Variants in GBF1 observed in about 807,000 individuals in gnomAD.
GBF1 encodes golgi brefeldin A resistant guanine nucleotide exchange factor 1.
Under a neutral mutation model 210.5 loss-of-function variants are expected in GBF1, and 114 were observed. The ratio of observed to expected loss-of-function variants is 0.54; its 90% CI spans 0.47 to 0.63. The LOEUF is 0.63. Ranked by LOEUF, GBF1 falls within the 30% of genes least tolerant of loss-of-function variation. The pLI is 0.00. For synonymous variants in GBF1, 850 were observed against 889.2 expected (o/e 0.96, Z 0.78); for missense variants, 1,851 against 2,357.7 (o/e 0.79, Z 4.45).
chr10:102,287,313 A>T (rs2076031477), intron 3 of GBF1, among the ~76,000 whole-genome samples: 1 of 151,432 alleles, frequency 6.6e-6, no homozygotes, highest in African/African-American at 2.4e-5. Context: ...AAAACAAAAA[A>T]AATTTCACAC....
At chr10:102,230,851 G>A in the GBF1 span, 4 of 1,595,554 alleles carry the variant, frequency 2.5e-6, no homozygotes, top group Non-Finnish European at 3.4e-6. Context: ...GATGGAGCTG[G>A]GTGGCGAGAA....
intron 3 of GBF1, among the ~76,000 whole-genome samples, chr10:102,260,473 C>CTTTTTTTTTTTTGTTT (rs879575033): frequency 1.3e-5 from 1 of 74,794 alleles, no homozygotes; most frequent in Non-Finnish European, 2.3e-5. Flanking sequence ...ATTTTCCTTT[C>CTTTTTTTTTTTTGTTT]TTCTTTTTTT....
intron 3 of GBF1, among the ~76,000 whole-genome samples, chr10:102,293,029 AGATT>A (rs901118896): frequency 6.6e-6 from 1 of 152,230 alleles, no homozygotes; most frequent in Non-Finnish European, 1.5e-5. Flanking sequence ...TCTTAAAAAT[AGATT>A]AATATTGCAT....
chr10:102,314,378 C>T (rs1445847840), intron 3 of GBF1, among the ~76,000 whole-genome samples: 1 of 152,026 alleles, frequency 6.6e-6, no homozygotes, highest in East Asian at 1.9e-4. Flanking sequence ...AACTCCTGGG[C>T]TCAAGCAGTC....
intron 3 of GBF1, among the ~76,000 whole-genome samples, chr10:102,295,864 T>C (rs899061179): frequency 6.6e-6 from 1 of 152,196 alleles, no homozygotes; most frequent in Non-Finnish European, 1.5e-5. Flanking sequence ...TACTAGTATA[T>C]TCCATTGAAT....
chr10:102,268,679 G>A (rs2074111832), intron 3 of GBF1, among the ~76,000 whole-genome samples: 1 of 152,116 alleles, frequency 6.6e-6, no homozygotes, highest in African/African-American at 2.4e-5. Flanking sequence ...TTCAGAAGAA[G>A]CCAAATGCTT....
At chr10:102,300,971 C>A (rs368146092) in intron 3 of GBF1, among the ~76,000 whole-genome samples, 2 of 65,168 alleles carry the variant, frequency 3.1e-5, no homozygotes, top group East Asian at 3.2e-4. Context: ...TCAGTATTTT[C>A]TTTTCTTTTT....
rs537568724 is a variant in GBF1 at position 102,360,706 on chromosome 10, A to G, written c.1392+311A>G. Among the ~76,000 whole-genome samples the G allele has an allele frequency of 7.9e-5, 12 of 152,244 alleles. No individual in the cohort carries two copies. In the East Asian group the frequency reaches 1.2e-3, roughly 15 times the overall value. On this transcript the variant is annotated intron_variant, in intron 12 of 39. Transcript: ENST00000369983. The stretch of plus-strand genomic sequence containing the variant: ...GAAACCTCACAGCCGGGCTGGGTGC[A>G]GTGGCTCACGCCTGTAATCCCAGCA...
rs779636849 is a variant in GBF1 at position 102,363,438 on chromosome 10, G to A, written c.2017+42G>A. 3.2e-6 allele frequency: 5 copies of A among 1,575,254 alleles called. No homozygotes were observed. The South Asian group carries it at 5.7e-5, about 18-fold the overall frequency. On this transcript the variant is annotated intron_variant, in intron 16 of 39. Transcript: ENST00000369983. The surrounding 1 kb of genome is among the most constrained non-coding windows in gnomAD (Gnocchi z 4.2). ...CATGACCCTAAGCTCCTCACCTGGA[G>A]GGCCTGGTGAAGAGCAGAGGGAGGG...
In GBF1 at chr10:102,382,079, C is replaced by T. The variant is rs765265269; in HGVS notation, c.5326C>T (p.Arg1776Ter). The T allele has an allele frequency of 2.6e-6, 4 of 1,559,046 alleles. No homozygotes were observed. The highest frequency in any genetic ancestry group is 1.2e-5 in the South Asian group (1 of 82,916). The change falls in exon 40 of 40, where the codon CGA (arginine) becomes TGA (stop). Residue 1776 changes from arginine (R) to a stop codon, truncating the protein, a stop_gained. Coordinates refer to ENST00000369983, the MANE Select transcript of GBF1 (RefSeq NM_001377137.1). LOFTEE classifies it high-confidence loss of function. ...ACDFEKPESP[R>*]AASSSSPGSP... The stretch of plus-strand genomic sequence containing the variant: ...AGACTTTGAGAAGCCCGAGAGCCCC[C>T]GAGCCGCCAGCAGCAGCTCCCCAGG...
At chr10:102,263,099 A>G (rs1455943297) in intron 3 of GBF1, among the ~76,000 whole-genome samples, 1 of 152,156 alleles carries the variant, frequency 6.6e-6, no homozygotes, top group East Asian at 1.9e-4. Flanking sequence ...TGGTCTTCAT[A>G]TTGCTTCTGA....
chr10:102,255,846 A>C (rs1235038699), intron 1 of GBF1, among the ~76,000 whole-genome samples: 1 of 152,258 alleles, frequency 6.6e-6, no homozygotes, highest in Non-Finnish European at 1.5e-5. Flanking sequence ...TTTGGAAAGC[A>C]GATAGTCTTC....
At chr10:102,314,259 T>G (rs1418246289) in intron 3 of GBF1, among the ~76,000 whole-genome samples, 2 of 150,948 alleles carry the variant, frequency 1.3e-5, no homozygotes, top group Non-Finnish European at 3.0e-5. Context: ...GATCCTCCTG[T>G]CTCAGCCTCC....
At chr10:102,231,195 G>A in the GBF1 span, 4 of 1,251,182 alleles carry the variant, frequency 3.2e-6, no homozygotes, top group Non-Finnish European at 4.3e-6. Flanking sequence ...CCGGGGCCCT[G>A]CGGTCAATAA....
chr10:102,297,495 G>A (rs1324320887), intron 3 of GBF1, among the ~76,000 whole-genome samples: 1 of 152,208 alleles, frequency 6.6e-6, no homozygotes, highest in African/African-American at 2.4e-5. Flanking sequence ...GATTCACATA[G>A]CAAACATCAG....
chr10:102,285,136 C>CACAGATTTT (rs895317143), intron 3 of GBF1, among the ~76,000 whole-genome samples: 1 of 152,184 alleles, frequency 6.6e-6, no homozygotes, highest in Non-Finnish European at 1.5e-5. Flanking sequence ...AAACAGCGAA[C>CACAGATTTT]ACAGATTTTA....
chr10:102,284,736 T>C (rs2075801047), intron 3 of GBF1, among the ~76,000 whole-genome samples: 1 of 152,190 alleles, frequency 6.6e-6, no homozygotes, highest in Non-Finnish European at 1.5e-5. Context: ...TGTGTATACA[T>C]GTATTTGAGT....
intron 3 of GBF1, among the ~76,000 whole-genome samples, chr10:102,304,000 TA>T (rs2077624420): frequency 1.3e-5 from 2 of 152,118 alleles, no homozygotes; most frequent in Admixed American, 1.3e-4. Flanking sequence ...GTTTTTTTTT[TA>T]CTCCAAAGGC....
chr10:102,333,233 G>A (rs940844476), intron 3 of GBF1, among the ~76,000 whole-genome samples: 6 of 152,198 alleles, frequency 3.9e-5, no homozygotes, highest in Admixed American at 2.6e-4. Flanking sequence ...ATAGGGCAGG[G>A]TCTATCTGGG....
Sources: gnomAD v4.1 joint callset for allele counts (sites outside exome capture counted in the v4.1 genomes callset) on GRCh38, gnomAD v4.1.1 for gene constraint, Gnocchi (gnomAD v3.1) non-coding constraint, MANE v1.5 for transcripts, NCBI Gene and HGNC (gene_info 2026-07-23, HGNC 2026-07-21) for gene names.